Variants in ALDH1L1 observed in about 807,000 individuals in gnomAD.
The protein encoded by ALDH1L1 is aldehyde dehydrogenase 1 family member L1, also known as cytosolic 10-formyltetrahydrofolate dehydrogenase.
A neutral mutation model predicts 101.1 loss-of-function variants in ALDH1L1; 68 were observed. That is an observed-to-expected ratio of 0.67 (90% CI 0.55 to 0.82). The LOEUF (loss-of-function observed/expected upper bound fraction) is 0.82, where lower values mean the gene tolerates loss of function less well. Ranked by LOEUF, ALDH1L1 falls within the 40% of genes least tolerant of loss-of-function variation. The pLI is 0.00. For missense variants in ALDH1L1, 1,087 were observed against 1,172.7 expected, an observed-to-expected ratio of 0.93 and a Z score of 1.07; for synonymous variants, 486 against 470.8, an observed-to-expected ratio of 1.03 and a Z score of -0.42.
chr3:126,127,772 C>T (rs540336211), intron 14 of ALDH1L1, among the ~76,000 whole-genome samples: 5 of 152,312 alleles, frequency 3.3e-5, no homozygotes, highest in Admixed American at 6.5e-5. Flanking sequence ...AGGGTGGACC[C>T]GGGGCTGGGG....
chr3:126,148,774 G>A (rs3843356), intron 8 of ALDH1L1, among the ~76,000 whole-genome samples: 70,401 of 152,022 alleles, frequency 0.46, 16,498 homozygotes, highest in East Asian at 0.58. Flanking sequence ...GAATGTGCAC[G>A]GTGAACAAAT....
At chr3:126,149,608 C>T (rs1221353232) in intron 8 of ALDH1L1, among the ~76,000 whole-genome samples, 5 of 152,228 alleles carry the variant, frequency 3.3e-5, no homozygotes, top group Non-Finnish European at 7.3e-5. Flanking sequence ...GCTCTCAGCA[C>T]CTTTGGATCA....
chr3:126,116,724 T>G (rs2079979163), intron 17 of ALDH1L1, among the ~76,000 whole-genome samples: 1 of 152,328 alleles, frequency 6.6e-6, no homozygotes, highest in Middle Eastern at 3.4e-3. Flanking sequence ...CAGGCTCCAG[T>G]GTCAGTCAGG....
At chr3:126,162,566 GTTTT>G (rs2081082337) in intron 1 of ALDH1L1, among the ~76,000 whole-genome samples, 1 of 152,028 alleles carries the variant, frequency 6.6e-6, no homozygotes, top group Non-Finnish European at 1.5e-5. Flanking sequence ...GCTCTGTTTT[GTTTT>G]TTAATCATCT....
intron 1 of ALDH1L1, among the ~76,000 whole-genome samples, chr3:126,190,720 G>A (rs139786265): frequency 3.9e-4 from 59 of 152,332 alleles, no homozygotes; most frequent in Non-Finnish European, 7.2e-4. Flanking sequence ...TTTAATAATG[G>A]CAGTTTGTGA....
chr3:126,174,846 A>G (rs1372013536), intron 1 of ALDH1L1, among the ~76,000 whole-genome samples: 3 of 152,272 alleles, frequency 2.0e-5, no homozygotes, highest in East Asian at 3.9e-4. Flanking sequence ...TAGAAAAAGA[A>G]GAGCAAATTA....
Position 126,140,793 on chromosome 3 carries a change from T to A in ALDH1L1, c.1077-2833A>T, listed in dbSNP as rs528562025. ...CCCAGAAATAACTAAAAACATACAGTAAAAGAAAGAAGGGAATCAAAGTGA... is the reference window on the plus strand; with the variant it reads ...CCCAGAAATAACTAAAAACATACAGAAAAAGAAAGAAGGGAATCAAAGTGA... On this transcript the variant is annotated intron_variant, in intron 9 of 22. Transcript: ENST00000393434. Among the ~76,000 whole-genome samples, 5 of 150,258 alleles carry A rather than the reference T, an allele frequency of 3.3e-5. No homozygotes were observed. In the South Asian group the frequency reaches 6.4e-4, roughly 19 times the overall value.
chr3:126,113,858 G>C (rs1946157558), intron 18 of ALDH1L1, among the ~76,000 whole-genome samples: 1 of 152,228 alleles, frequency 6.6e-6, no homozygotes, highest in Non-Finnish European at 1.5e-5. Flanking sequence ...GTCTCAAGTG[G>C]CACTTGCCAC....
Position 126,146,799 on chromosome 3 carries a change from G to A in ALDH1L1, c.1076+36C>T, listed in dbSNP as rs199951164. ...GCAGAGATTTGTGACACAGCACCAA[G>A]TACCTGGGACAGGACCCCTCCACTC... is the stretch of plus-strand genomic sequence containing the variant. On this transcript the variant is annotated intron_variant, in intron 9 of 22. Coordinates refer to ENST00000393434, the MANE Select transcript of ALDH1L1 (RefSeq NM_012190.4). The A allele has an allele frequency of 2.7e-5, 43 of 1,602,242 alleles. No homozygotes were observed. In the East Asian group the frequency reaches 9.4e-4, roughly 35 times the overall value.
At chr3:126,181,132 C>G, upstream of ALDH1L1, 2 of 820,086 alleles carry the variant, frequency 2.4e-6, no homozygotes, top group Non-Finnish European at 4.0e-6. Context: ...CTGGTTTTCT[C>G]TCTGCAATTC....
chr3:126,194,683 C>T (rs1338871940), intron 1 of ALDH1L1, among the ~76,000 whole-genome samples: 1 of 152,130 alleles, frequency 6.6e-6, no homozygotes, highest in Non-Finnish European at 1.5e-5. Flanking sequence ...TAGAAAACTT[C>T]CGCAACTTGT....
In ALDH1L1 at chr3:126,160,866, C is replaced by T; in HGVS notation, c.114G>A (p.Lys38=). 1 of 1,614,140 alleles carries T rather than the reference C, an allele frequency of 6.2e-7. No homozygotes were observed. The highest frequency in any genetic ancestry group is 1.3e-5 in the African/African-American group (1 of 75,080). The change falls in exon 2 of 23, where the codon AAG becomes AAA. Residue 38 remains lysine, a synonymous_variant. Transcript: ENST00000393434. ...GVFTVPDKDG[K]ADPLGLEAEK... Reference sequence around the variant, plus strand: ...TGGCTCACTCACCCAGGGGGTCGGCCTTTCCATCCTTGTCTGGAACAGTGA... The same window carrying T: ...TGGCTCACTCACCCAGGGGGTCGGCTTTTCCATCCTTGTCTGGAACAGTGA...
intron 1 of ALDH1L1, among the ~76,000 whole-genome samples, chr3:126,192,229 T>G (rs774325429): frequency 1.3e-5 from 2 of 152,220 alleles, no homozygotes; most frequent in Non-Finnish European, 2.9e-5. Context: ...TTGATTTTTT[T>G]TAACTGGTAA....
At position 126,158,532 on chromosome 3, in the gene ALDH1L1, C is replaced by T. The variant is rs745318998; in HGVS notation, c.235G>A (p.Glu79Lys). The change falls in exon 3 of 23, where the codon GAG (glutamate) becomes AAG (lysine). Residue 79 changes from glutamate (E) to lysine (K), a missense_variant. Physicochemically the swap from Glu to Lys is moderately conservative, Grantham distance 56. Around this residue, in one of 2 missense-constraint regions of ALDH1L1, gnomAD observed 645 missense variants for 637.0 expected, o/e 1.01. Coordinates refer to ENST00000393434, the MANE Select transcript of ALDH1L1 (RefSeq NM_012190.4). ...VVAKYQALGAELNVLPFCSQF... is the reference protein window; with the variant it reads ...VVAKYQALGAKLNVLPFCSQF... ...CTGCAGAAGGGCAGGACGTTGAGCT[C>T]GGCCCCCAAAGCCTGGTATTTTGCC... The T allele has an allele frequency of 2.4e-5, 38 of 1,614,074 alleles. No homozygotes were observed. The highest frequency in any genetic ancestry group is 5.3e-5 in the African/African-American group (4 of 74,936).
Position 126,150,480 on chromosome 3 carries a change from T to A in ALDH1L1, c.910A>T (p.Asn304Tyr). 6.4e-7 allele frequency: 1 copy of A among 1,551,596 alleles called. No homozygotes were observed. Among genetic ancestry groups the A allele is most frequent in the Non-Finnish European group, 8.7e-7 (1 of 1,146,948 alleles). ...CTGCTGGCTGCCCCCTTAAAGAAGTTCGAGGCCAGGATCATTTTGCCATCC... is the reference window on the plus strand; with the variant it reads ...CTGCTGGCTGCCCCCTTAAAGAAGTACGAGGCCAGGATCATTTTGCCATCC... The part of the protein sequence containing the change: ...LEDGKMILAS[N>Y]FFKGAASSVL... The change falls in exon 8 of 23, where the codon AAC (asparagine) becomes TAC (tyrosine). Residue 304 changes from asparagine to tyrosine, a missense_variant. Transcript: ENST00000393434.
chr3:126,161,749 G>A (rs570742018), intron 1 of ALDH1L1, among the ~76,000 whole-genome samples: 1 of 152,126 alleles, frequency 6.6e-6, no homozygotes, highest in South Asian at 2.1e-4. Context: ...TTAAAGTAAT[G>A]TGTACTTCAT....
upstream of ALDH1L1, among the ~76,000 whole-genome samples, chr3:126,181,981 C>T (rs1425505966): frequency 1.3e-5 from 2 of 152,214 alleles, no homozygotes; most frequent in African/African-American, 2.4e-5. Context: ...TTCCATGTGC[C>T]GTTCATCTTT....
chr3:126,158,926 C>T (rs60430060), intron 2 of ALDH1L1, among the ~76,000 whole-genome samples: 8,608 of 152,142 alleles, frequency 0.057, 319 homozygotes, highest in African/African-American at 0.088. Context: ...TCTCCTGAGG[C>T]CTTGCCATCC....
chr3:126,153,425 C>T lies in ALDH1L1; in HGVS notation c.858+19G>A. The T allele has an allele frequency of 1.2e-6, 2 of 1,612,492 alleles. No individual in the cohort carries two copies. Among genetic ancestry groups the T allele is most frequent in the Non-Finnish European group, 1.7e-6 (2 of 1,179,990 alleles). ...TGGGTGGCTTTGAGCAGGCAAGTGA[C>T]CCACAGCCGTGCCCTTACCATTTTG... On this transcript the variant is annotated intron_variant, in intron 7 of 22. Transcript: ENST00000393434.
Sources: gnomAD v4.1 joint callset for allele counts (sites outside exome capture counted in the v4.1 genomes callset) on GRCh38, gnomAD v4.1.1 for gene constraint, gnomAD v4.1.1 regional missense constraint, MANE v1.5 for transcripts, NCBI Gene and HGNC (gene_info 2026-07-23, HGNC 2026-07-21) for gene names.